The following AGBL1 variants were observed in gnomAD, a reference collection of about 807,000 sequenced individuals.
The protein encoded by AGBL1 is AGBL carboxypeptidase 1, also known as cytosolic carboxypeptidase 4.
A neutral mutation model predicts 118.9 loss-of-function variants in AGBL1; 130 were observed. The observed-to-expected ratio is 1.09, with a 90% CI of 0.95 to 1.26. The LOEUF (loss-of-function observed/expected upper bound fraction) is 1.26, where lower values mean the gene tolerates loss of function less well. Among genes scored for constraint, AGBL1 ranks in the 50% most tolerant of loss-of-function variants. AGBL1 has a pLI of 0.00. For synonymous variants in AGBL1, 555 were observed against 478.9 expected (o/e 1.16, Z -2.08); for missense variants, 1,584 against 1,298.1 (o/e 1.22, Z -3.38).
intron 18 of AGBL1, among the ~76,000 whole-genome samples, chr15:86,435,199 C>T (rs1169711134): frequency 2.0e-5 from 3 of 152,194 alleles, no homozygotes; most frequent in Non-Finnish European, 4.4e-5. Context: ...ATGAGTCCCA[C>T]ATTAAAATAT....
At chr15:86,849,517 C>CTTTCTTTT (rs1555456693) in intron 22 of AGBL1, among the ~76,000 whole-genome samples, 25 of 136,798 alleles carry the variant, frequency 1.8e-4, no homozygotes, top group African/African-American at 6.2e-4. Context: ...TTCTTTCTTT[C>CTTTCTTTT]TTTTTTTTTT....
At chr15:86,250,933 C>A (rs2078805456) in intron 7 of AGBL1, among the ~76,000 whole-genome samples, 1 of 152,176 alleles carries the variant, frequency 6.6e-6, no homozygotes, top group Non-Finnish European at 1.5e-5. Context: ...GCTGTTGCTG[C>A]TGCTGCTGCT....
At chr15:86,799,876 T>C (rs936917139) in intron 22 of AGBL1, among the ~76,000 whole-genome samples, 8 of 152,140 alleles carry the variant, frequency 5.3e-5, no homozygotes, top group Admixed American at 6.6e-5. Context: ...TTAATTACCA[T>C]GTAACTGGCA....
intron 23 of AGBL1, among the ~76,000 whole-genome samples, chr15:86,943,090 A>C (rs1004407339): frequency 6.6e-6 from 1 of 152,164 alleles, no homozygotes; most frequent in African/African-American, 2.4e-5. Context: ...AAGTCAGGAG[A>C]GTTAACAGAT....
Position 86,397,514 on chromosome 15 carries a change from C to G in AGBL1, c.2523C>G (p.Pro841=). The change falls in exon 18 of 23, where the codon CCC becomes CCG. Residue 841 remains proline, a synonymous_variant. Transcript: ENST00000614907. ...AAAACTTCATCTTCAAGATCATACCCATGCTCAACCCAGATGGTGTCATCA... is the reference window on the plus strand; with the variant it reads ...AAAACTTCATCTTCAAGATCATACCGATGCTCAACCCAGATGGTGTCATCA... ...LRENFIFKII[P]MLNPDGVING... 6.2e-7 allele frequency: 1 copy of G among 1,612,182 alleles called. No individual in the cohort carries two copies. The highest frequency in any genetic ancestry group is 8.5e-7 in the Non-Finnish European group (1 of 1,179,148).
chr15:86,169,793 G>A (rs945703360), intron 5 of AGBL1, among the ~76,000 whole-genome samples: 10 of 152,294 alleles, frequency 6.6e-5, no homozygotes, highest in Non-Finnish European at 1.3e-4. Flanking sequence ...TGAATACAGA[G>A]CTGACTGTTG....
intron 24 of AGBL1, among the ~76,000 whole-genome samples, chr15:87,004,658 T>C (rs997823845): frequency 6.6e-6 from 1 of 152,214 alleles, no homozygotes; most frequent in Non-Finnish European, 1.5e-5. Context: ...CCAGTCTGTG[T>C]CTTTCAATTG....
intron 19 of AGBL1, among the ~76,000 whole-genome samples, chr15:86,523,238 T>G (rs1313925187): frequency 6.6e-6 from 1 of 152,236 alleles, no homozygotes; most frequent in East Asian, 1.9e-4. Flanking sequence ...CTTCTTTGTC[T>G]GTTCCAGCTT....
chr15:86,711,560 G>A (rs938492870), intron 22 of AGBL1, among the ~76,000 whole-genome samples: 7 of 152,154 alleles, frequency 4.6e-5, no homozygotes, highest in Non-Finnish European at 8.8e-5. Flanking sequence ...AGCCCTTACA[G>A]TTGCTAATCT....
At position 86,738,421 on chromosome 15, in the gene AGBL1, A is replaced by G. The variant is rs538265710; in HGVS notation, c.3158+63985A>G. Among the ~76,000 whole-genome samples the G allele has an allele frequency of 7.8e-3, 773 of 99,734 alleles. 8 individuals are homozygous for G. The highest frequency in any genetic ancestry group is 0.036 in the African/African-American group (729 of 20,108). 65.4% of individuals were successfully genotyped at this position (99,734 alleles called of 152,430 possible). A position where few individuals can be genotyped will look rare whatever the true frequency, so the allele number is the denominator to read the frequency against. On this transcript the variant is annotated intron_variant, in intron 22 of 22. Coordinates refer to ENST00000614907, the MANE Select transcript of AGBL1 (RefSeq NM_001386094.1). ...AAAAAATAAAAGGCATCCAAATTGG[A>G]AAAAAAAAGAAGTCAAATTGTCCCT...
At chr15:87,005,544 G>T (rs1340089970) in intron 24 of AGBL1, among the ~76,000 whole-genome samples, 1 of 152,044 alleles carries the variant, frequency 6.6e-6, no homozygotes, top group African/African-American at 2.4e-5. Flanking sequence ...GCTCCATCAG[G>T]TCCTTTAAGG....
intron 22 of AGBL1, among the ~76,000 whole-genome samples, chr15:86,684,381 A>C (rs1479067197): frequency 6.6e-6 from 1 of 152,142 alleles, no homozygotes; most frequent in African/African-American, 2.4e-5. Context: ...TGTACCCAAG[A>C]TGAAATAGTC....
rs143956745 is a variant in AGBL1 at position 86,650,174 on chromosome 15, A to G, written c.2995-24099A>G. ...TTTTTCTAAAATACTCTCTTCTCCCATTCTTCATTAGTAACAGAATCCCTT... is the reference window on the plus strand; with the variant it reads ...TTTTTCTAAAATACTCTCTTCTCCCGTTCTTCATTAGTAACAGAATCCCTT... On this transcript the variant is annotated intron_variant, in intron 21 of 22. Transcript: ENST00000614907. Among the ~76,000 whole-genome samples, 360 of 152,316 alleles carry G rather than the reference A, an allele frequency of 2.4e-3. 2 individuals are homozygous for G. The highest frequency in any genetic ancestry group is 8.0e-3 in the African/African-American group (334 of 41,582).
At chr15:86,960,693 T>A (rs2080984110) in intron 23 of AGBL1, among the ~76,000 whole-genome samples, 1 of 152,014 alleles carries the variant, frequency 6.6e-6, no homozygotes, top group Non-Finnish European at 1.5e-5. Flanking sequence ...GCAGCATTAT[T>A]CAAAATAGCC....
chr15:86,637,418 G>T (rs1177903806), intron 21 of AGBL1, among the ~76,000 whole-genome samples: 4 of 152,148 alleles, frequency 2.6e-5, no homozygotes, highest in Non-Finnish European at 4.4e-5. Context: ...AGCTTGATGA[G>T]CTTGAAGAAC....
intron 5 of AGBL1, among the ~76,000 whole-genome samples, chr15:86,199,764 T>A (rs2077873990): frequency 6.6e-6 from 1 of 152,218 alleles, no homozygotes; most frequent in South Asian, 2.1e-4. Context: ...CATAAAAGTT[T>A]TTAAAATTTG....
chr15:86,319,662 T>C (rs1003722857), intron 17 of AGBL1, among the ~76,000 whole-genome samples: 2 of 151,832 alleles, frequency 1.3e-5, no homozygotes, highest in African/African-American at 4.8e-5. Context: ...CATATGTTAC[T>C]AGCTTTATGT....
At chr15:86,608,825 T>G (rs951575001) in intron 21 of AGBL1, among the ~76,000 whole-genome samples, 4 of 152,184 alleles carry the variant, frequency 2.6e-5, no homozygotes, top group African/African-American at 9.6e-5. Flanking sequence ...AATTTTCAAA[T>G]GTTGGCAATG....
At chr15:86,767,240 T>G (rs944943215) in intron 22 of AGBL1, among the ~76,000 whole-genome samples, 13 of 151,918 alleles carry the variant, frequency 8.6e-5, no homozygotes, top group Middle Eastern at 3.2e-3. Context: ...AAACTTAACC[T>G]CCGGTCATCA....
Sources: gnomAD v4.1 joint callset for allele counts (sites outside exome capture counted in the v4.1 genomes callset) on GRCh38, gnomAD v4.1.1 for gene constraint, MANE v1.5 for transcripts, NCBI Gene and HGNC (gene_info 2026-07-23, HGNC 2026-07-21) for gene names.